CCDC14: variants seen among roughly 807,000 people sequenced by gnomAD.
CCDC14 encodes the protein coiled-coil domain containing 14.
CCDC14 carries 71 observed loss-of-function variants against 81.4 expected under a neutral mutation model. The ratio of observed to expected loss-of-function variants is 0.87; its 90% confidence interval spans 0.72 to 1.06. The LOEUF is 1.06. Ranked by LOEUF, CCDC14 falls within the 50% of genes least tolerant of loss-of-function variation. The probability of loss-of-function intolerance (pLI) is 0.00; values close to 1 mark genes in which losing one functional copy is unlikely to be tolerated. For missense variants in CCDC14, 1,046 were observed against 1,047.3 expected (o/e 1.00, Z 0.02); for synonymous variants, 332 against 364.8 (o/e 0.91, Z 1.03).
intron 10 of CCDC14, among the ~76,000 whole-genome samples, chr3:123,933,138 CAT>C (rs1194975538): frequency 1.9e-5 from 2 of 105,828 alleles, no homozygotes; most frequent in African/African-American, 3.9e-5. Flanking sequence ...ACAAAGCTGA[CAT>C]ATATGCACAA....
chr3:123,929,771 C>T (rs1241917583), intron 12 of CCDC14, among the ~76,000 whole-genome samples: 1 of 152,206 alleles, frequency 6.6e-6, no homozygotes, highest in African/African-American at 2.4e-5. Context: ...CCCCTGGGTT[C>T]CTCCAGCCCC....
At chr3:123,925,443 A>G (rs575142624) in intron 12 of CCDC14, among the ~76,000 whole-genome samples, 1 of 151,832 alleles carries the variant, frequency 6.6e-6, no homozygotes, top group African/African-American at 2.4e-5. Context: ...GGGTGACTAT[A>G]CTTTTTTTTT....
chr3:123,937,528 T>C (rs1308904182), intron 9 of CCDC14, among the ~76,000 whole-genome samples: 1 of 151,992 alleles, frequency 6.6e-6, no homozygotes, highest in African/African-American at 2.4e-5. Context: ...ATTTAAAAAT[T>C]TATACTGTCT....
chr3:123,956,304 A>G lies in CCDC14; in HGVS notation c.159+51T>C, dbSNP rs1279042654. On this transcript the variant is annotated intron_variant, in intron 3 of 12. Transcript: ENST00000409697. ...TGCATTTTATTCCTACTTTTTAGCT[A>G]CTATTTGAAAACTAATTAAAATAGT... 162 of 1,377,060 alleles carry G rather than the reference A, an allele frequency of 1.2e-4. No individual in the cohort carries two copies. The East Asian group carries it at 3.9e-3, about 33-fold the overall frequency. 85.3% of individuals were successfully genotyped at this position (1,377,060 alleles called of 1,614,324 possible).
intron 5 of CCDC14, chr3:123,897,678 TTCTA>T: frequency 1.8e-5 from 14 of 793,934 alleles, no homozygotes; most frequent in Non-Finnish European, 2.3e-5. Flanking sequence ...TTATTTTACA[TTCTA>T]TCTGTCATCC....
chr3:123,928,457 GA>G (rs921632718), intron 12 of CCDC14, among the ~76,000 whole-genome samples: 31 of 151,868 alleles, frequency 2.0e-4, no homozygotes, highest in African/African-American at 7.5e-4. Flanking sequence ...AGTGAGCCAA[GA>G]TAGCGCCACT....
At chr3:123,935,968 G>A (rs1210537204) in intron 9 of CCDC14, among the ~76,000 whole-genome samples, 2 of 152,034 alleles carry the variant, frequency 1.3e-5, no homozygotes, top group Admixed American at 6.6e-5. Flanking sequence ...CTAGTCTGAT[G>A]AGTAGCCTTA....
chr3:123,930,976 G>C (rs749599667), intron 12 of CCDC14, 126 bp downstream of exon 12: 186 of 787,606 alleles, frequency 2.4e-4, no homozygotes, highest in Non-Finnish European at 3.3e-4. Flanking sequence ...TTAGAAATTA[G>C]CAAAAACATT....
chr3:123,914,565 C>T lies in CCDC14; in HGVS notation c.*214G>A, dbSNP rs1408862783. On this transcript the variant is annotated 3_prime_UTR_variant, in exon 13 of 13. Transcript: ENST00000409697. ...TACTTACAATAATTTCCTAGTTATC[C>T]ACAACTTTCTTCTTGTAGCAATTGT... The T allele has an allele frequency of 3.3e-6, 4 of 1,228,398 alleles. No homozygotes were observed. The highest frequency in any genetic ancestry group is 3.6e-5 in the East Asian group (1 of 27,794). 76.1% of individuals were successfully genotyped at this position (1,228,398 alleles called of 1,614,324 possible). A position where few individuals can be genotyped will look rare whatever the true frequency, so the allele number is the denominator to read the frequency against.
chr3:123,904,857 G>C (rs1241201710), intron 5 of CCDC14, among the ~76,000 whole-genome samples: 2 of 152,046 alleles, frequency 1.3e-5, no homozygotes, highest in African/African-American at 4.8e-5. Context: ...TGATCAACTG[G>C]TCCTTCACAC....
chr3:123,938,752 A>C (rs2036191646), intron 9 of CCDC14, among the ~76,000 whole-genome samples: 3 of 152,098 alleles, frequency 2.0e-5, no homozygotes, highest in Admixed American at 1.3e-4. Flanking sequence ...TATTACAAAA[A>C]CTATTTTAAA....
chr3:123,955,656 T>A, intron 5 of CCDC14, 187 bp downstream of exon 5: 1 of 424,260 alleles, frequency 2.4e-6, no homozygotes, highest in Non-Finnish European at 4.0e-6. Flanking sequence ...TTTTTCTTCT[T>A]GAGAAAATGA....
At chr3:123,910,333 G>A (rs149874761), downstream of CCDC14, among the ~76,000 whole-genome samples, 54 of 152,140 alleles carry the variant, frequency 3.5e-4, no homozygotes, top group African/African-American at 1.2e-3. Context: ...TCTAATGGTC[G>A]TCCGCCTGGA....
intron 8 of CCDC14, among the ~76,000 whole-genome samples, chr3:123,945,230 G>C (rs535663464): frequency 1.0e-3 from 156 of 151,722 alleles, no homozygotes; most frequent in African/African-American, 3.7e-3. Flanking sequence ...TAAATCACAG[G>C]ATTATTACAT....
At chr3:123,958,306 T>C (rs1474164129) in intron 1 of CCDC14, 1 of 152,098 alleles carries the variant, frequency 6.6e-6, no homozygotes, top group East Asian at 1.9e-4. Flanking sequence ...TAAAGTACAC[T>C]GTCTGAGGTA....
At position 123,947,169 on chromosome 3, in the gene CCDC14, G is replaced by A; in HGVS notation, c.835C>T (p.Gln279Ter). ...KTDISAIPTLQQLGLVNGILP... is the reference protein window; with the variant it reads ...KTDISAIPTL ...ATTCCATTAACAAGGCCCAGTTGCT[G>A]CAATGTTGGAATAGCTGATATGTCA... Residue 279 changes from glutamine (Q) to a stop codon, truncating the protein, a stop_gained, in exon 8 of 13, where the codon CAG (glutamine) becomes TAG (stop). Coordinates refer to ENST00000409697, the MANE Select transcript of CCDC14 (RefSeq NM_001366335.1). LOFTEE classifies it high-confidence loss of function. The A allele has an allele frequency of 6.2e-7, 1 of 1,613,916 alleles. No individual in the cohort carries two copies. The highest frequency in any genetic ancestry group is 1.3e-5 in the African/African-American group (1 of 75,010).
intron 5 of CCDC14, among the ~76,000 whole-genome samples, chr3:123,907,357 C>CACACAATCT (rs973167762): frequency 2.2e-4 from 34 of 152,212 alleles, no homozygotes; most frequent in African/African-American, 7.9e-4. Flanking sequence ...TGTCTCTAAA[C>CACACAATCT]ACACAATCTA....
At chr3:123,952,738 G>A (rs2037091211) in intron 5 of CCDC14, 3 of 368,530 alleles carry the variant, frequency 8.1e-6, no homozygotes, top group Admixed American at 4.9e-5. Context: ...ATAATACATG[G>A]ATACTAGTTA....
chr3:123,918,493 T>C (rs1432001138), intron 12 of CCDC14, among the ~76,000 whole-genome samples: 1 of 152,062 alleles, frequency 6.6e-6, no homozygotes, highest in East Asian at 1.9e-4. Flanking sequence ...TTCATGAATA[T>C]CCCAGAACTC....
Sources: allele counts gnomAD v4.1 joint callset (sites outside exome capture counted in the v4.1 genomes callset), GRCh38; gene constraint gnomAD v4.1.1; transcripts MANE v1.5; gene names NCBI Gene and HGNC (gene_info 2026-07-23, HGNC 2026-07-21).